Variants in SLC44A2 observed in about 807,000 individuals in gnomAD.
The protein encoded by SLC44A2 is solute carrier family 44 member 2 (CTL2 blood group), also known as choline transporter-like protein 2.
Under a neutral mutation model 90.8 loss-of-function variants are expected in SLC44A2, and 57 were observed. The ratio of observed to expected loss-of-function variants is 0.63; its 90% CI spans 0.51 to 0.78. SLC44A2 has a LOEUF of 0.78. Among genes scored for constraint, SLC44A2 ranks in the 30% least tolerant of loss-of-function variants. The probability of loss-of-function intolerance (pLI) is 0.00; values close to 1 mark genes in which losing one functional copy is unlikely to be tolerated. For synonymous variants in SLC44A2, 355 were observed against 360.7 expected, an observed-to-expected ratio of 0.98 and a Z score of 0.18; for missense variants, 794 against 919.7, an observed-to-expected ratio of 0.86 and a Z score of 1.77.
chr19:10,602,689 G>A (rs994405799), intron 1 of SLC44A2: 61 of 855,528 alleles, frequency 7.1e-5, no homozygotes, highest in Non-Finnish European at 9.1e-5. Flanking sequence ...TCGGGCCCCC[G>A]CATCCGACAC....
At chr19:10,624,437 G>A (rs2066914186), upstream of SLC44A2, among the ~76,000 whole-genome samples, 1 of 152,150 alleles carries the variant, frequency 6.6e-6, no homozygotes, top group African/African-American at 2.4e-5. Context: ...CCAAGTAGCT[G>A]GGATTACAGG....
intron 16 of SLC44A2, among the ~76,000 whole-genome samples, chr19:10,637,300 C>T (rs1399403203): frequency 5.3e-5 from 8 of 151,950 alleles, no homozygotes; most frequent in Admixed American, 3.9e-4. Context: ...TTCAGTGGGC[C>T]GAGACCGAGC....
intron 4 of SLC44A2, among the ~76,000 whole-genome samples, chr19:10,629,329 G>A (rs1348682285): frequency 1.3e-5 from 2 of 149,906 alleles, no homozygotes; most frequent in Non-Finnish European, 3.0e-5. Context: ...CCAGGCTAGA[G>A]TGCAGTGGCA....
intron 1 of SLC44A2, among the ~76,000 whole-genome samples, chr19:10,607,750 ATTT>A (rs1322222585): frequency 1.1e-5 from 1 of 88,442 alleles, no homozygotes; most frequent in African/African-American, 3.6e-5. Context: ...TATTATTATT[ATTT>A]TTTTTTTTTT....
intron 10 of SLC44A2, among the ~76,000 whole-genome samples, chr19:10,632,892 G>A (rs750114200): frequency 2.0e-5 from 3 of 151,722 alleles, no homozygotes; most frequent in South Asian, 2.1e-4. Flanking sequence ...GGCTGGTCTC[G>A]ACCTCCTGGC....
intron 1 of SLC44A2, among the ~76,000 whole-genome samples, chr19:10,611,610 G>C (rs531882525): frequency 6.6e-6 from 1 of 152,148 alleles, no homozygotes; most frequent in African/African-American, 2.4e-5. Context: ...CTTGAGTCCA[G>C]GAGTTTGAGA....
At chr19:10,608,218 G>C (rs1340150542) in intron 1 of SLC44A2, among the ~76,000 whole-genome samples, 1 of 141,578 alleles carries the variant, frequency 7.1e-6, no homozygotes, top group Non-Finnish European at 1.6e-5. Flanking sequence ...GCGAGACTCC[G>C]TCTCAAAGAA....
chr19:10,634,193 T>A (rs1358924948), intron 10 of SLC44A2, among the ~76,000 whole-genome samples: 2 of 143,784 alleles, frequency 1.4e-5, no homozygotes, highest in African/African-American at 2.6e-5. Context: ...TTTCACCATG[T>A]TGGTCAGGCT....
rs571971748 is a variant in SLC44A2, at chr19:10,636,748, G to C, written c.1583G>C (p.Arg528Pro). The change falls in exon 16 of 22, where the codon CGG becomes CCG. Residue 528 changes from arginine to proline, a missense_variant. Transcript: ENST00000335757. ...IRVILEYLDQRLKAAENKFAK... is the reference protein window; with the variant it reads ...IRVILEYLDQPLKAAENKFAK... ...GTGATACTCGAGTACCTGGATCAGC[G>C]GCTGAAAGGTACGTCCCACCCACGG... is the stretch of plus-strand genomic sequence containing the variant. 6.2e-7 allele frequency: 1 copy of C among 1,613,586 alleles called. No homozygotes were observed. Among genetic ancestry groups the C allele is most frequent in the Non-Finnish European group, 8.5e-7 (1 of 1,179,736 alleles).
At chr19:10,606,981 G>A (rs1445526111) in intron 1 of SLC44A2, among the ~76,000 whole-genome samples, 1 of 145,048 alleles carries the variant, frequency 6.9e-6, no homozygotes, top group African/African-American at 2.5e-5. Flanking sequence ...ACACGGTCTC[G>A]GCTCACTGCA....
chr19:10,620,663 C>T (rs906253574), upstream of SLC44A2, among the ~76,000 whole-genome samples: 1 of 152,138 alleles, frequency 6.6e-6, no homozygotes, highest in African/African-American at 2.4e-5. Context: ...GAAAGACACA[C>T]AAATCCCTGT....
chr19:10,603,452 G>T (rs1343142884), intron 1 of SLC44A2, among the ~76,000 whole-genome samples: 1 of 152,176 alleles, frequency 6.6e-6, no homozygotes, highest in Admixed American at 6.5e-5. Context: ...TGTGTGACAA[G>T]AACTTCCTGG....
chr19:10,643,525 T>C lies in SLC44A2; in HGVS notation c.*140T>C. On this transcript the variant is annotated 3_prime_UTR_variant, in exon 22 of 22. Coordinates refer to ENST00000335757, the MANE Select transcript of SLC44A2 (RefSeq NM_020428.4). ...CTCCCCATGAGCCAGATCCCACCAG[T>C]TTCTGGACGTGGAGAGTCTGGGGCA... 1 of 1,016,592 alleles carries C rather than the reference T, an allele frequency of 9.8e-7. No homozygotes were observed. Among genetic ancestry groups the C allele is most frequent in the Non-Finnish European group, 1.4e-6 (1 of 721,534 alleles). The allele number at this position is 1,016,592 out of a possible 1,614,324, so 63.0% of individuals were successfully genotyped here.
chr19:10,617,946 T>A (rs1010399647), intron 1 of SLC44A2, among the ~76,000 whole-genome samples: 1 of 152,208 alleles, frequency 6.6e-6, no homozygotes, highest in Non-Finnish European at 1.5e-5. Context: ...TATTCTCTTA[T>A]GCTTTCCCTT....
intron 1 of SLC44A2, among the ~76,000 whole-genome samples, chr19:10,614,819 A>T (rs564530004): frequency 6.6e-6 from 1 of 151,826 alleles, no homozygotes; most frequent in East Asian, 2.0e-4. Flanking sequence ...AAAAATACAA[A>T]AATTAGCCGG....
intron 1 of SLC44A2, among the ~76,000 whole-genome samples, chr19:10,614,238 A>G (rs2066837254): frequency 2.0e-5 from 3 of 152,100 alleles, no homozygotes; most frequent in Admixed American, 2.0e-4. Flanking sequence ...AAGTGCAGGG[A>G]TTACAGGCAT....
intron 1 of SLC44A2, among the ~76,000 whole-genome samples, chr19:10,603,972 G>A (rs866135819): frequency 6.6e-6 from 1 of 152,170 alleles, no homozygotes; most frequent in Admixed American, 6.6e-5. Flanking sequence ...AGCTGTGGTC[G>A]GAGCTAGGCA....
At chr19:10,631,984 C>G (rs376852186) in intron 9 of SLC44A2, 33 bp downstream of exon 9, 67 of 1,612,666 alleles carry the variant, frequency 4.2e-5, no homozygotes, top group Non-Finnish European at 5.4e-5. Context: ...TCTCCCCTGG[C>G]TGCCCCCTCT....
chr19:10,609,599 G>A (rs1011631113), intron 1 of SLC44A2, among the ~76,000 whole-genome samples: 2 of 151,760 alleles, frequency 1.3e-5, no homozygotes, highest in African/African-American at 4.8e-5. Context: ...TGTGCCTGGC[G>A]AAGTATAATT....
Sources: allele counts gnomAD v4.1 joint callset (sites outside exome capture counted in the v4.1 genomes callset), GRCh38; gene constraint gnomAD v4.1.1; transcripts MANE v1.5; gene names NCBI Gene and HGNC (gene_info 2026-07-23, HGNC 2026-07-21).